Variants in ZNF385D observed in about 807,000 individuals in gnomAD.
ZNF385D encodes the protein zinc finger protein 385D, also known as zinc finger protein 659.
ZNF385D carries 15 observed loss-of-function variants against 35.8 expected under a neutral mutation model. The ratio of observed to expected loss-of-function variants is 0.42; its 90% CI spans 0.28 to 0.64. The LOEUF (loss-of-function observed/expected upper bound fraction) is 0.64, where lower values mean the gene tolerates loss of function less well. ZNF385D is among the 30% of genes least tolerant of loss of function. The pLI is 0.23. For missense variants in ZNF385D, 474 were observed against 494.6 expected, an observed-to-expected ratio of 0.96 and a Z score of 0.39; for synonymous variants, 212 against 186.8, an observed-to-expected ratio of 1.13 and a Z score of -1.10.
intron 2 of ZNF385D, among the ~76,000 whole-genome samples, chr3:22,215,977 G>T (rs1475825843): frequency 1.3e-5 from 2 of 151,948 alleles, no homozygotes; most frequent in Non-Finnish European, 2.9e-5. Context: ...CCAACATCTG[G>T]CTGAATTTCC....
chr3:21,950,173 A>T (rs1701995793), intron 3 of ZNF385D, among the ~76,000 whole-genome samples: 1 of 151,744 alleles, frequency 6.6e-6, no homozygotes, highest in Non-Finnish European at 1.5e-5. Flanking sequence ...ACTCCCACCA[A>T]CAGTGTAAAA....
chr3:22,276,228 A>G (rs754085850), intron 2 of ZNF385D, among the ~76,000 whole-genome samples: 3 of 152,166 alleles, frequency 2.0e-5, no homozygotes, highest in African/African-American at 4.8e-5. Flanking sequence ...TCAATGGAGA[A>G]AACACTAGGA....
intron 3 of ZNF385D, among the ~76,000 whole-genome samples, chr3:21,899,061 C>T (rs760635234): frequency 4.6e-5 from 7 of 152,018 alleles, no homozygotes; most frequent in Admixed American, 1.3e-4. Flanking sequence ...ATCAGGAGAA[C>T]GGGATGTTTA....
At chr3:22,015,500 C>A (rs1351327) in intron 3 of ZNF385D, among the ~76,000 whole-genome samples, 18,827 of 152,074 alleles carry the variant, frequency 0.12, 1,474 homozygotes, top group South Asian at 0.29. Context: ...TTCCAACATT[C>A]TGCTTCATCA....
chr3:21,538,291 C>T (rs2062087226), intron 3 of ZNF385D, among the ~76,000 whole-genome samples: 1 of 151,980 alleles, frequency 6.6e-6, no homozygotes, highest in Non-Finnish European at 1.5e-5. Context: ...ATATGGGGGT[C>T]ATCTGGAAGT....
At chr3:22,138,355 C>G (rs1704285888) in intron 3 of ZNF385D, among the ~76,000 whole-genome samples, 1 of 152,138 alleles carries the variant, frequency 6.6e-6, no homozygotes, top group East Asian at 1.9e-4. Flanking sequence ...ACCCGCATTG[C>G]CAAGTGAGTC....
At chr3:22,357,101 T>C (rs1255243434) in intron 2 of ZNF385D, among the ~76,000 whole-genome samples, 1 of 151,946 alleles carries the variant, frequency 6.6e-6, no homozygotes, top group Non-Finnish European at 1.5e-5. Flanking sequence ...GAAGTTCACA[T>C]ACATAATTAC....
At chr3:22,038,166 C>A (rs1175153880) in intron 3 of ZNF385D, among the ~76,000 whole-genome samples, 3 of 152,118 alleles carry the variant, frequency 2.0e-5, no homozygotes, top group Non-Finnish European at 2.9e-5. Flanking sequence ...AATTGCTGAA[C>A]TACGAAGTGT....
chr3:21,421,328 T>C lies in ZNF385D; in HGVS notation c.1074A>G (p.Arg358=). The C allele has an allele frequency of 6.2e-7, 1 of 1,613,992 alleles. No homozygotes were observed. Among genetic ancestry groups the C allele is most frequent in the Non-Finnish European group, 8.5e-7 (1 of 1,179,900 alleles). Residue 358 remains arginine, a synonymous_variant, in exon 8 of 8, where the codon CGA becomes CGG. Transcript: ENST00000281523. ...AVAVSSPFSL[R]TAPAATLFQT... ...GGAACAGTGTTGCTGCTGGAGCAGT[T>C]CGAAGACTGAAGGGGGAACTCACTG...
intron 3 of ZNF385D, among the ~76,000 whole-genome samples, chr3:21,761,948 G>A (rs1019393055): frequency 4.6e-5 from 6 of 131,038 alleles, no homozygotes; most frequent in African/African-American, 8.7e-5. Flanking sequence ...GCGCGATCTC[G>A]GCTCACTGCA....
chr3:21,814,821 C>T (rs2073079150), intron 3 of ZNF385D, among the ~76,000 whole-genome samples: 2 of 152,298 alleles, frequency 1.3e-5, no homozygotes, highest in South Asian at 4.1e-4. Flanking sequence ...CTCAGCTCTG[C>T]ACCAAACAGA....
rs1426874955 is a variant in ZNF385D at position 21,810,994 on chromosome 3, G to GTATATA, written c.326-145967_326-145966insTATATA. Reference sequence around the variant, plus strand: ...TACGTGTGTGTGTGTGTGTGTGTGTGTGTGTATATATATATACATTTTAAG... The same window carrying GTATATA: ...TACGTGTGTGTGTGTGTGTGTGTGTGTATATATGTGTATATATATATACATTTTAAG... On this transcript the variant is annotated intron_variant, in intron 3 of 5. Transcript: ENST00000494108. Among the ~76,000 whole-genome samples the GTATATA allele has an allele frequency of 3.4e-3, 374 of 108,558 alleles. 5 individuals carry two copies. The highest frequency in any genetic ancestry group is 0.011 in the African/African-American group (317 of 29,500). 71.2% of individuals were successfully genotyped at this position (108,558 alleles called of 152,430 possible).
intron 3 of ZNF385D, among the ~76,000 whole-genome samples, chr3:21,965,560 T>C (rs930204362): frequency 7.9e-5 from 12 of 152,300 alleles, no homozygotes; most frequent in South Asian, 2.1e-4. Flanking sequence ...GGTTGAAGAA[T>C]TGTTTCACAA....
chr3:21,469,621 A>G (rs556470496), intron 4 of ZNF385D, among the ~76,000 whole-genome samples: 1 of 152,314 alleles, frequency 6.6e-6, no homozygotes, highest in African/African-American at 2.4e-5. Flanking sequence ...TGTTTTTATT[A>G]TAAGTTGTTC....
chr3:22,295,229 G>C (rs1702506795), intron 2 of ZNF385D, among the ~76,000 whole-genome samples: 2 of 152,082 alleles, frequency 1.3e-5, no homozygotes. Context: ...GAAAATTATA[G>C]TAAAATACTA....
intron 3 of ZNF385D, among the ~76,000 whole-genome samples, chr3:22,144,973 GAC>G (rs1402053334): frequency 6.6e-6 from 1 of 151,262 alleles, no homozygotes; most frequent in East Asian, 2.0e-4. Flanking sequence ...TCATAATCAA[GAC>G]AGAGCTAACT....
Position 21,892,070 on chromosome 3 carries a change from C to G in ZNF385D, c.326-227042G>C, listed in dbSNP as rs546641617. ...TGATATTGGTTTGTTTCGAGGGCAA[C>G]TGAAACTTTTCTTCAAAAATTAACT... On this transcript the variant is annotated intron_variant, in intron 3 of 5. Coordinates refer to the ZNF385D transcript ENST00000494108. Among the ~76,000 whole-genome samples the G allele has an allele frequency of 4.6e-5, 7 of 152,136 alleles. No individual in the cohort carries two copies. In the South Asian group the frequency reaches 1.2e-3, roughly 27 times the overall value.
upstream of ZNF385D, among the ~76,000 whole-genome samples, chr3:21,753,796 TG>T (rs2070218741): frequency 6.6e-6 from 1 of 151,928 alleles, no homozygotes; most frequent in Admixed American, 6.6e-5. Context: ...TTGTTGTGTG[TG>T]TGTGTGTGTG....
chr3:22,067,912 C>G (rs780480650), intron 3 of ZNF385D, among the ~76,000 whole-genome samples: 129 of 151,938 alleles, frequency 8.5e-4, no homozygotes, highest in East Asian at 1.9e-4. Flanking sequence ...ACTTGGGAGG[C>G]TGAGGCGGGA....
Sources: allele counts gnomAD v4.1 joint callset (sites outside exome capture counted in the v4.1 genomes callset), GRCh38; gene constraint gnomAD v4.1.1; transcripts MANE v1.5; gene names NCBI Gene and HGNC (gene_info 2026-07-23, HGNC 2026-07-21).